The following VWF variants were observed in gnomAD, a reference collection of about 807,000 sequenced individuals.
VWF encodes the protein von Willebrand factor, also known as Factor VIII related antigen.
VWF carries 176 observed loss-of-function variants against 308.6 expected under a neutral mutation model. The observed-to-expected ratio is 0.57, with a 90% CI of 0.50 to 0.65. The LOEUF is 0.65. VWF is among the 30% of genes least tolerant of loss of function. VWF has a pLI of 0.00. For missense variants in VWF, 3,146 were observed against 3,648.2 expected, an observed-to-expected ratio of 0.86 and a Z score of 3.55; for synonymous variants, 1,385 against 1,443.4, an observed-to-expected ratio of 0.96 and a Z score of 0.92.
chr12:5,965,526 T>C (rs1943392502), intron 47 of VWF, among the ~76,000 whole-genome samples: 1 of 152,190 alleles, frequency 6.6e-6, no homozygotes, highest in Non-Finnish European at 1.5e-5. Flanking sequence ...CTCTTCCTCA[T>C]GCTTTCTTTG....
chr12:6,110,745 C>T (rs1945299272), intron 4 of VWF, 121 bp downstream of exon 4: 5 of 1,319,940 alleles, frequency 3.8e-6, no homozygotes, highest in Admixed American at 1.7e-5. Context: ...CCCAGCCCTG[C>T]TACTCACTTC....
At chr12:6,030,927 G>C (rs902364470) in intron 21 of VWF, among the ~76,000 whole-genome samples, 1 of 152,162 alleles carries the variant, frequency 6.6e-6, no homozygotes, top group Non-Finnish European at 1.5e-5. Flanking sequence ...TACTAAGGAG[G>C]CTGATGCAGG....
rs1398720300 is a variant in VWF at position 5,972,833 on chromosome 12, A to C, written c.7438-1124T>G. 2.0e-5 allele frequency among the ~76,000 whole-genome samples: 3 copies of C among 152,316 alleles called. No homozygotes were observed. In the East Asian group the frequency reaches 5.8e-4, roughly 29 times the overall value. On this transcript the variant is annotated intron_variant, in intron 43 of 51. Transcript: ENST00000261405. Reference sequence around the variant, plus strand: ...TACACACCCTCCAAGATACAGCAGAACATTCAAAATGCCATTAAAGAAAAA... The same window carrying C: ...TACACACCCTCCAAGATACAGCAGACCATTCAAAATGCCATTAAAGAAAAA...
chr12:6,005,808 G>A (rs1943919141), intron 34 of VWF, among the ~76,000 whole-genome samples: 1 of 152,122 alleles, frequency 6.6e-6, no homozygotes, highest in Non-Finnish European at 1.5e-5. Flanking sequence ...TTTCTCATGT[G>A]CACAAAAGCT....
intron 47 of VWF, among the ~76,000 whole-genome samples, chr12:5,964,577 A>C (rs1303714736): frequency 6.6e-6 from 1 of 152,192 alleles, no homozygotes; most frequent in Non-Finnish European, 1.5e-5. Context: ...TTCTATTATG[A>C]ATCACCAAGT....
intron 3 of VWF, among the ~76,000 whole-genome samples, chr12:6,117,905 G>GT (rs1332870395): frequency 2.0e-5 from 3 of 152,204 alleles, no homozygotes; most frequent in African/African-American, 7.2e-5. Flanking sequence ...GAGAACACGG[G>GT]TTTTCCGACT....
At chr12:6,085,391 C>T (rs910817467) in intron 6 of VWF, among the ~76,000 whole-genome samples, 3 of 152,348 alleles carry the variant, frequency 2.0e-5, no homozygotes, top group Non-Finnish European at 2.9e-5. Flanking sequence ...ATTTCTCTTA[C>T]GTGTCTTGTC....
Position 6,103,260 on chromosome 12 carries a change from G to A in VWF, c.532+7114C>T, listed in dbSNP as rs539117987. On this transcript the variant is annotated intron_variant, in intron 5 of 51. Coordinates refer to ENST00000261405, the MANE Select transcript of VWF (RefSeq NM_000552.5). ...GGAGAATGGCATGAACCCAGGAGGCGGAGCTTGCAGTGAGCCAATCCACGC... is the reference window on the plus strand; with the variant it reads ...GGAGAATGGCATGAACCCAGGAGGCAGAGCTTGCAGTGAGCCAATCCACGC... 4.0e-4 allele frequency among the ~76,000 whole-genome samples: 61 copies of A among 152,036 alleles called. No individual in the cohort carries two copies. In the South Asian group the frequency reaches 8.9e-3, roughly 22 times the overall value.
At chr12:6,029,885 C>T (rs575209494) in intron 21 of VWF, among the ~76,000 whole-genome samples, 1 of 152,240 alleles carries the variant, frequency 6.6e-6, no homozygotes, top group South Asian at 2.1e-4. Flanking sequence ...AAATCTATTC[C>T]TCTATAAAAA....
intron 34 of VWF, among the ~76,000 whole-genome samples, chr12:6,010,800 G>A (rs1355373070): frequency 6.6e-6 from 1 of 152,188 alleles, no homozygotes; most frequent in African/African-American, 2.4e-5. Flanking sequence ...ATTGGAACTG[G>A]GAGGTGTTTT....
At position 6,060,869 on chromosome 12, in the gene VWF, G is replaced by A. The variant is rs1944647812; in HGVS notation, c.1533+2085C>T. On this transcript the variant is annotated intron_variant, in intron 13 of 51. Coordinates refer to ENST00000261405, the MANE Select transcript of VWF (RefSeq NM_000552.5). This position sits in a 1 kb window ranked among gnomAD's most constrained non-coding sequence, Gnocchi z 5.1. ...ATCAAGGGGAGAAAGTGCATGGGTG[G>A]AGAGCACCCTCTCTGTGAGGTGGGA... Among the ~76,000 whole-genome samples the A allele has an allele frequency of 6.6e-6, 1 of 152,178 alleles. No individual in the cohort carries two copies. Among genetic ancestry groups the A allele is most frequent in the Admixed American group, 6.5e-5 (1 of 15,280 alleles).
In VWF at chr12:6,019,004, C is replaced by A. The variant is rs1800383; in HGVS notation, c.4414G>T (p.Asp1472Tyr). The A allele has an allele frequency of 2.6e-4, 419 of 1,613,460 alleles. 1 individual carries two copies. In the African/African-American group the frequency reaches 5.2e-3, roughly 20 times the overall value. The change falls in exon 28 of 52, where the codon GAC becomes TAC. Residue 1472 changes from aspartate to tyrosine, a missense_variant. Asp to Tyr is a radical substitution (Grantham distance 160). Transcript: ENST00000261405. This position sits in a 1 kb window ranked among gnomAD's most constrained non-coding sequence, Gnocchi z 5.8. Reference protein sequence around the residue: ...PEAPPPTLPPDMAQVTVGPGL... With the variant: ...PEAPPPTLPPYMAQVTVGPGL... ...GGGCCCACAGTGACTTGTGCCATGT[C>A]GGGGGGCAGAGTAGGAGGAGGGGCT...
At chr12:6,073,550 A>C in intron 8 of VWF, 69 bp downstream of exon 8, 1 of 1,610,734 alleles carries the variant, frequency 6.2e-7, no homozygotes, top group Non-Finnish European at 8.5e-7. Flanking sequence ...AGTGGCCTTC[A>C]TCTCACTTCC....
In VWF at chr12:6,092,612, AGTGAGAGTGTGTGTGTGT is replaced by A. The variant is rs1231360708; in HGVS notation, c.657+2830_657+2847del. On this transcript the variant is annotated intron_variant, in intron 6 of 51. Coordinates refer to ENST00000261405, the MANE Select transcript of VWF (RefSeq NM_000552.5). The stretch of plus-strand genomic sequence containing the variant: ...ACCATGCCCAGCTAGTTAGTGAGTG[AGTGAGAGTGTGTGTGTGT>A]GTGTGTGTGTGTGTGTGTGTGTGTG... Among the ~76,000 whole-genome samples the A allele has an allele frequency of 3.0e-4, 21 of 70,490 alleles. No homozygotes were observed. The East Asian group carries it at 4.9e-3, about 16-fold the overall frequency. The allele number at this position is 70,490 out of a possible 152,430, so 46.2% of individuals were successfully genotyped here. A position where few individuals can be genotyped will look rare whatever the true frequency, so the allele number is the denominator to read the frequency against.
intron 44 of VWF, among the ~76,000 whole-genome samples, chr12:5,970,692 G>A (rs920176589): frequency 1.2e-4 from 18 of 152,202 alleles, no homozygotes; most frequent in African/African-American, 4.1e-4. Context: ...GAGGAGAAAG[G>A]CAATGGGCCT....
intron 6 of VWF, among the ~76,000 whole-genome samples, chr12:6,086,644 C>T (rs1261210342): frequency 6.6e-6 from 1 of 152,176 alleles, no homozygotes; most frequent in African/African-American, 2.4e-5. Flanking sequence ...GGAGGGAAGG[C>T]AGAAGTGGGC....
intron 47 of VWF, among the ~76,000 whole-genome samples, chr12:5,960,177 GA>G (rs1300227689): frequency 6.6e-6 from 1 of 150,908 alleles, no homozygotes; most frequent in East Asian, 1.9e-4. Context: ...AGAAATAATA[GA>G]AGGTTTACAA....
At position 5,949,925 on chromosome 12, in the gene VWF, G is replaced by A. The variant is rs201747790; in HGVS notation, c.8156-42C>T. The A allele has an allele frequency of 4.8e-4, 764 of 1,587,602 alleles. 3 individuals are homozygous for A. The African/African-American group carries it at 8.8e-3, about 18-fold the overall frequency. On this transcript the variant is annotated intron_variant, in intron 50 of 51. Transcript: ENST00000261405. ...AGATGAAACTTGAGGACTGGCTGGG[G>A]TTCTAGAGAACACTCTTCAGCCCCA...
At chr12:6,105,958 A>T (rs1945239249) in intron 5 of VWF, among the ~76,000 whole-genome samples, 1 of 152,078 alleles carries the variant, frequency 6.6e-6, no homozygotes, top group South Asian at 2.1e-4. Flanking sequence ...CAGGAGAATC[A>T]CTTGAACCCG....
Sources: allele counts gnomAD v4.1 joint callset (sites outside exome capture counted in the v4.1 genomes callset), GRCh38; gene constraint gnomAD v4.1.1; non-coding constraint Gnocchi (gnomAD v3.1); transcripts MANE v1.5; gene names NCBI Gene and HGNC (gene_info 2026-07-23, HGNC 2026-07-21).